Variants in GALNTL6 observed in about 807,000 individuals in gnomAD.
GALNTL6 encodes polypeptide N-acetylgalactosaminyltransferase like 6, also known as polypeptide N-acetylgalactosaminyltransferase-like 6.
In GALNTL6, 46 loss-of-function variants were observed where a neutral mutation model predicts 73.7. The observed-to-expected ratio is 0.62, with a 90% CI of 0.49 to 0.80. The LOEUF (loss-of-function observed/expected upper bound fraction) is 0.80. Among genes scored for constraint, GALNTL6 ranks in the 30% least tolerant of loss-of-function variants. The pLI is 0.00. For missense variants in GALNTL6, 604 were observed against 755.0 expected, an observed-to-expected ratio of 0.80 and a Z score of 2.34; for synonymous variants, 259 against 263.7, an observed-to-expected ratio of 0.98 and a Z score of 0.17.
chr4:171,961,041 T>A (rs1410207578), intron 2 of GALNTL6, among the ~76,000 whole-genome samples: 3 of 152,014 alleles, frequency 2.0e-5, no homozygotes, highest in African/African-American at 7.3e-5. Context: ...ACTCTTGAGG[T>A]CTGGGTTGGG....
intron 5 of GALNTL6, among the ~76,000 whole-genome samples, chr4:172,408,089 G>A (rs937240429): frequency 2.6e-5 from 4 of 151,950 alleles, no homozygotes; most frequent in African/African-American, 9.7e-5. Flanking sequence ...CAACCTTTGG[G>A]GATTCGGGTG....
rs1039513060 is a variant in GALNTL6 at position 172,354,216 on chromosome 4, A to G, written c.553+5527A>G. Among the ~76,000 whole-genome samples, 4 of 152,268 alleles carry G rather than the reference A, an allele frequency of 2.6e-5. No individual in the cohort carries two copies. In the South Asian group the frequency reaches 8.3e-4, roughly 32 times the overall value. ...TTATGTCTCAGATTTATTGAGAGCT[A>G]GTCACTCTAAATAAATCTTGGAGTT... On this transcript the variant is annotated intron_variant, in intron 5 of 12. Coordinates refer to ENST00000506823, the MANE Select transcript of GALNTL6 (RefSeq NM_001034845.3).
intron 8 of GALNTL6, among the ~76,000 whole-genome samples, chr4:172,926,769 T>C (rs780766375): frequency 6.6e-6 from 1 of 152,238 alleles, no homozygotes; most frequent in Non-Finnish European, 1.5e-5. Flanking sequence ...TCCAGCATTC[T>C]CCTCCCTCCC....
chr4:172,758,398 T>C (rs1286308202), intron 5 of GALNTL6, among the ~76,000 whole-genome samples: 1 of 152,038 alleles, frequency 6.6e-6, no homozygotes, highest in Non-Finnish European at 1.5e-5. Context: ...TACCCAGGCA[T>C]GGTGGCGAGC....
chr4:172,440,408 A>G (rs1731787228), intron 5 of GALNTL6, among the ~76,000 whole-genome samples: 1 of 152,126 alleles, frequency 6.6e-6, no homozygotes, highest in Non-Finnish European at 1.5e-5. Flanking sequence ...ATATGATTCC[A>G]GCTATATGAC....
intron 5 of GALNTL6, among the ~76,000 whole-genome samples, chr4:172,538,711 A>C (rs1735440616): frequency 6.6e-6 from 1 of 152,208 alleles, no homozygotes; most frequent in South Asian, 2.1e-4. Flanking sequence ...CAGAACTCAA[A>C]GTATAAATAG....
chr4:172,096,030 G>T (rs1732342488), intron 2 of GALNTL6, among the ~76,000 whole-genome samples: 1 of 148,144 alleles, frequency 6.8e-6, no homozygotes, highest in African/African-American at 2.5e-5. Context: ...TTCCTGGATT[G>T]ATGTGTTTTG....
chr4:172,912,401 C>G (rs1215377363), intron 8 of GALNTL6, among the ~76,000 whole-genome samples: 1 of 152,182 alleles, frequency 6.6e-6, no homozygotes, highest in East Asian at 1.9e-4. Context: ...GGAGTGTGAG[C>G]CAAAGCAGGG....
intron 5 of GALNTL6, among the ~76,000 whole-genome samples, chr4:172,484,799 C>G (rs754235471): frequency 6.6e-6 from 1 of 152,052 alleles, no homozygotes; most frequent in Non-Finnish European, 1.5e-5. Context: ...AGATTTTTCT[C>G]TTAAGGTATT....
At chr4:171,889,140 C>T (rs1736688423) in intron 2 of GALNTL6, among the ~76,000 whole-genome samples, 1 of 151,748 alleles carries the variant, frequency 6.6e-6, no homozygotes. Context: ...TAAAAAGCAA[C>T]CCAAGAAACA....
At chr4:172,880,046 A>G (rs1398882196) in intron 7 of GALNTL6, among the ~76,000 whole-genome samples, 1 of 152,088 alleles carries the variant, frequency 6.6e-6, no homozygotes, top group Non-Finnish European at 1.5e-5. Context: ...GGAACTCAAC[A>G]CTGCTTCCAG....
At chr4:172,544,570 A>G (rs982769806) in intron 5 of GALNTL6, among the ~76,000 whole-genome samples, 2 of 152,154 alleles carry the variant, frequency 1.3e-5, no homozygotes, top group Admixed American at 6.6e-5. Context: ...TTCTCCTTTC[A>G]TACATATATA....
chr4:172,277,014 A>C (rs2111070439), intron 3 of GALNTL6, among the ~76,000 whole-genome samples: 1 of 152,034 alleles, frequency 6.6e-6, no homozygotes, highest in East Asian at 1.9e-4. Flanking sequence ...CCTTATATTG[A>C]CATACTTGGA....
At chr4:172,919,108 A>G (rs1221704340) in intron 8 of GALNTL6, among the ~76,000 whole-genome samples, 1 of 152,196 alleles carries the variant, frequency 6.6e-6, no homozygotes, top group Non-Finnish European at 1.5e-5. Flanking sequence ...GCTCCTAGAA[A>G]CCCAAACCCT....
chr4:172,663,727 A>C (rs1223845902), intron 5 of GALNTL6, among the ~76,000 whole-genome samples: 2 of 152,090 alleles, frequency 1.3e-5, no homozygotes, highest in African/African-American at 4.8e-5. Context: ...TCAGGAGTTC[A>C]GGACCAGCCT....
At chr4:172,371,641 G>C (rs554268791) in intron 5 of GALNTL6, among the ~76,000 whole-genome samples, 2 of 150,168 alleles carry the variant, frequency 1.3e-5, no homozygotes, top group African/African-American at 4.9e-5. Flanking sequence ...CTCTTCCTCT[G>C]TCTCCTTCTC....
rs549782022 is a variant in GALNTL6, at chr4:172,806,366, G to A, written c.554-2995G>A. Among the ~76,000 whole-genome samples the A allele has an allele frequency of 1.1e-4, 16 of 152,216 alleles. No individual in the cohort carries two copies. In the East Asian group the frequency reaches 1.9e-3, roughly 18 times the overall value. ...TAAATTAAAATGGGCTTTGATATAC[G>A]AAAAATATGCAGTATCAGAAAATGT... On this transcript the variant is annotated intron_variant, in intron 5 of 12. Transcript: ENST00000506823.
At chr4:172,035,369 A>T (rs1472963221) in intron 2 of GALNTL6, among the ~76,000 whole-genome samples, 1 of 152,116 alleles carries the variant, frequency 6.6e-6, no homozygotes, top group African/African-American at 2.4e-5. Context: ...CAAGCCAGTA[A>T]TATCAGAATA....
At chr4:172,352,231 T>TA (rs902298917) in intron 5 of GALNTL6, among the ~76,000 whole-genome samples, 11 of 152,102 alleles carry the variant, frequency 7.2e-5, no homozygotes, top group African/African-American at 2.2e-4. Flanking sequence ...CAAAATGCTT[T>TA]AAAAAAAGTG....
Sources: gnomAD v4.1 joint callset for allele counts (sites outside exome capture counted in the v4.1 genomes callset) on GRCh38, gnomAD v4.1.1 for gene constraint, MANE v1.5 for transcripts, NCBI Gene and HGNC (gene_info 2026-07-23, HGNC 2026-07-21) for gene names.